Variants in MIPOL1 observed in about 807,000 individuals in gnomAD.
The protein encoded by MIPOL1 is mirror-image polydactyly 1.
In MIPOL1, 57 loss-of-function variants were observed where a neutral mutation model predicts 60.9. That is an observed-to-expected ratio of 0.94 (90% CI 0.76 to 1.17). The LOEUF (loss-of-function observed/expected upper bound fraction) is 1.17, where lower values mean the gene tolerates loss of function less well. Among genes scored for constraint, MIPOL1 ranks in the 50% most tolerant of loss-of-function variants. The pLI is 0.00. For missense variants in MIPOL1, 551 were observed against 511.6 expected (o/e 1.08, Z -0.74); for synonymous variants, 179 against 168.8 (o/e 1.06, Z -0.47).
At chr14:37,374,497 C>G (rs533029575) in intron 10 of MIPOL1, among the ~76,000 whole-genome samples, 9 of 152,260 alleles carry the variant, frequency 5.9e-5, no homozygotes, top group African/African-American at 9.6e-5. Context: ...AGGTTTTCTT[C>G]TAGGATTTTT....
intron 12 of MIPOL1, among the ~76,000 whole-genome samples, chr14:37,543,501 T>G (rs2095537390): frequency 6.6e-6 from 1 of 152,170 alleles, no homozygotes; most frequent in South Asian, 2.1e-4. Context: ...GGTCTTGAAC[T>G]CCTGGCCTCA....
intron 6 of MIPOL1, among the ~76,000 whole-genome samples, chr14:37,282,449 T>C (rs1365312635): frequency 6.6e-6 from 1 of 151,760 alleles, no homozygotes; most frequent in Non-Finnish European, 1.5e-5. Flanking sequence ...TTAATCAAGA[T>C]AGTTATTAGG....
chr14:37,310,267 C>T (rs2153435679), intron 9 of MIPOL1, among the ~76,000 whole-genome samples: 1 of 152,224 alleles, frequency 6.6e-6, no homozygotes, highest in East Asian at 1.9e-4. Flanking sequence ...ACTGTACTTA[C>T]CTTAAATCCA....
chr14:37,498,733 C>A lies in MIPOL1; in HGVS notation c.1032-1175C>A, dbSNP rs139581758. Among the ~76,000 whole-genome samples the A allele has an allele frequency of 3.9e-5, 6 of 152,214 alleles. No individual in the cohort carries two copies. The East Asian group carries it at 1.2e-3, about 29-fold the overall frequency. ...AGTCCGTATTCTTAGGGGTTTGAATCCTGAAGTGGTTTCATTTGGTATGCT... is the reference window on the plus strand; with the variant it reads ...AGTCCGTATTCTTAGGGGTTTGAATACTGAAGTGGTTTCATTTGGTATGCT... On this transcript the variant is annotated intron_variant, in intron 11 of 12. Coordinates refer to ENST00000684589, the MANE Select transcript of MIPOL1 (RefSeq NM_001388067.1).
chr14:37,544,659 G>A (rs967132524), intron 12 of MIPOL1, among the ~76,000 whole-genome samples: 1 of 152,170 alleles, frequency 6.6e-6, no homozygotes, highest in Admixed American at 6.5e-5. Flanking sequence ...CTTACAGGAA[G>A]GAATAGGTGC....
intron 3 of MIPOL1, among the ~76,000 whole-genome samples, chr14:37,260,070 A>G (rs758242261): frequency 2.0e-5 from 3 of 151,946 alleles, no homozygotes; most frequent in Non-Finnish European, 4.4e-5. Context: ...CTCATTTTCA[A>G]TACTTGTTTG....
chr14:37,474,404 G>A (rs1300020180), intron 11 of MIPOL1, among the ~76,000 whole-genome samples: 2 of 152,086 alleles, frequency 1.3e-5, no homozygotes, highest in African/African-American at 4.8e-5. Context: ...GGAGGTAATT[G>A]AATCATGGGA....
At chr14:37,341,907 T>C (rs1229605690) in intron 9 of MIPOL1, among the ~76,000 whole-genome samples, 1 of 152,176 alleles carries the variant, frequency 6.6e-6, no homozygotes, top group South Asian at 2.1e-4. Context: ...TTTAGAGGAG[T>C]TATTTATTAT....
At chr14:37,321,975 G>A (rs2088625067) in intron 9 of MIPOL1, among the ~76,000 whole-genome samples, 1 of 151,968 alleles carries the variant, frequency 6.6e-6, no homozygotes, top group East Asian at 1.9e-4. Flanking sequence ...ATTTTACAGT[G>A]AACGTTTATA....
At position 37,422,917 on chromosome 14, in the gene MIPOL1, A is replaced by G. The variant is rs745894786; in HGVS notation, c.999A>G (p.Glu333=). The change falls in exon 11 of 13, where the codon GAA becomes GAG. Residue 333 remains glutamate (E), a synonymous_variant. Coordinates refer to ENST00000684589, the MANE Select transcript of MIPOL1 (RefSeq NM_001388067.1). ...ETAVQQYKKL[E]EEIQTLRVYY... Reference sequence around the variant, plus strand: ...CAGTTCAACAGTACAAAAAACTGGAAGAGGAAATCCAGACCCTTCGAGTTT... The same window carrying G: ...CAGTTCAACAGTACAAAAAACTGGAGGAGGAAATCCAGACCCTTCGAGTTT... 8 of 1,608,920 alleles carry G rather than the reference A, an allele frequency of 5.0e-6. No homozygotes were observed.
intron 10 of MIPOL1, among the ~76,000 whole-genome samples, chr14:37,399,046 C>G (rs2093431452): frequency 6.6e-6 from 1 of 151,716 alleles, no homozygotes; most frequent in East Asian, 1.9e-4. Context: ...AGCAAGATTG[C>G]AATTAAGTGC....
chr14:37,251,348 G>A (rs994741102), intron 3 of MIPOL1, among the ~76,000 whole-genome samples: 9 of 152,006 alleles, frequency 5.9e-5, no homozygotes, highest in Admixed American at 2.0e-4. Flanking sequence ...GATGACAGGC[G>A]AAAACAACTG....
chr14:37,272,947 A>G (rs1277117874), intron 6 of MIPOL1, among the ~76,000 whole-genome samples: 1 of 151,416 alleles, frequency 6.6e-6, no homozygotes, highest in Non-Finnish European at 1.5e-5. Flanking sequence ...AATGTTAATT[A>G]AAATATGAGG....
chr14:37,419,082 G>T (rs571383947), intron 10 of MIPOL1, among the ~76,000 whole-genome samples: 1 of 152,118 alleles, frequency 6.6e-6, no homozygotes, highest in Non-Finnish European at 1.5e-5. Flanking sequence ...AATTGCCAAA[G>T]AACTAGAAAT....
chr14:37,434,897 C>A (rs2094139223), intron 11 of MIPOL1, among the ~76,000 whole-genome samples: 1 of 151,138 alleles, frequency 6.6e-6, no homozygotes. Flanking sequence ...ATCTAGATTG[C>A]TGTTTGATCA....
At chr14:37,501,466 ATT>A in intron 12 of MIPOL1, 1 of 152,336 alleles carries the variant, frequency 6.6e-6, no homozygotes, top group East Asian at 1.9e-4. Context: ...CCACAGACCA[ATT>A]CTATTTTCAA....
chr14:37,375,703 A>G (rs990259117), intron 10 of MIPOL1, among the ~76,000 whole-genome samples: 2 of 151,976 alleles, frequency 1.3e-5, no homozygotes, highest in Admixed American at 1.3e-4. Context: ...CTCTTGACAC[A>G]CTAGTTTTCT....
intron 12 of MIPOL1, among the ~76,000 whole-genome samples, chr14:37,522,687 A>G (rs1466052597): frequency 6.6e-6 from 1 of 152,164 alleles, no homozygotes; most frequent in African/African-American, 2.4e-5. Context: ...CAAAAAAAGT[A>G]TGTTGTGATT....
intron 10 of MIPOL1, among the ~76,000 whole-genome samples, chr14:37,416,462 A>C (rs563723160): frequency 6.6e-6 from 1 of 152,272 alleles, no homozygotes; most frequent in South Asian, 2.1e-4. Context: ...GGTGTAGCCT[A>C]TTGCTCCTAG....
Sources: allele counts gnomAD v4.1 joint callset (sites outside exome capture counted in the v4.1 genomes callset), GRCh38; gene constraint gnomAD v4.1.1; transcripts MANE v1.5; gene names NCBI Gene and HGNC (gene_info 2026-07-23, HGNC 2026-07-21).